PTPRE: variants seen among roughly 807,000 people sequenced by gnomAD.
PTPRE encodes protein tyrosine phosphatase receptor type E.
Under a neutral mutation model 102.0 loss-of-function variants are expected in PTPRE, and 51 were observed. That is an observed-to-expected ratio of 0.50 (90% confidence interval 0.40 to 0.63). The LOEUF (loss-of-function observed/expected upper bound fraction) is 0.63. Among genes scored for constraint, PTPRE ranks in the 30% least tolerant of loss-of-function variants. The probability of loss-of-function intolerance (pLI) is 0.00; values close to 1 mark genes in which losing one functional copy is unlikely to be tolerated. For missense variants in PTPRE, 752 were observed against 915.1 expected (o/e 0.82, Z 2.30); for synonymous variants, 345 against 348.2 (o/e 0.99, Z 0.10).
At chr10:127,974,404 T>C (rs1254982032) in intron 1 of PTPRE, among the ~76,000 whole-genome samples, 1 of 152,230 alleles carries the variant, frequency 6.6e-6, no homozygotes, top group African/African-American at 2.4e-5. Flanking sequence ...GGCTTCCCGG[T>C]TTTTGTTTAT....
intron 2 of PTPRE, among the ~76,000 whole-genome samples, chr10:128,009,016 A>T (rs138931387): frequency 6.6e-6 from 1 of 152,302 alleles, no homozygotes; most frequent in African/African-American, 2.4e-5. Flanking sequence ...GGTTGCTTGG[A>T]AACTCAGTCC....
intron 3 of PTPRE, among the ~76,000 whole-genome samples, chr10:128,041,646 C>CAAAAAAA (rs59411622): frequency 1.3e-5 from 1 of 77,358 alleles, no homozygotes; most frequent in Non-Finnish European, 2.3e-5. Flanking sequence ...GACTACGTCT[C>CAAAAAAA]AAAAAAAAAA....
intron 2 of PTPRE, among the ~76,000 whole-genome samples, chr10:128,031,127 A>G (rs1342159294): frequency 1.3e-5 from 2 of 152,256 alleles, no homozygotes; most frequent in African/African-American, 2.4e-5. Context: ...GGATGAATAC[A>G]TAAGCCAACC....
At chr10:127,919,098 C>A (rs1383053585) in intron 1 of PTPRE, among the ~76,000 whole-genome samples, 2 of 152,164 alleles carry the variant, frequency 1.3e-5, no homozygotes, top group Non-Finnish European at 2.9e-5. Flanking sequence ...CTGTGCTGGG[C>A]AGTGCCTAGG....
intron 6 of PTPRE, among the ~76,000 whole-genome samples, chr10:128,051,271 G>T (rs1319929810): frequency 6.6e-6 from 1 of 152,168 alleles, no homozygotes. Flanking sequence ...CCAGGAATAG[G>T]GTGGGGCAGG....
At chr10:127,926,583 G>A (rs1379079366) in intron 1 of PTPRE, among the ~76,000 whole-genome samples, 1 of 152,158 alleles carries the variant, frequency 6.6e-6, no homozygotes, top group Non-Finnish European at 1.5e-5. Context: ...TGGGAGGCTG[G>A]CTGGTGTGGG....
intron 1 of PTPRE, among the ~76,000 whole-genome samples, chr10:127,952,361 A>G (rs1407125142): frequency 6.0e-5 from 3 of 49,804 alleles, no homozygotes; most frequent in Non-Finnish European, 1.2e-4. Context: ...AGTTGCCCTC[A>G]CCCAAACCAA....
intron 17 of PTPRE, among the ~76,000 whole-genome samples, chr10:128,073,710 T>C (rs920532686): frequency 1.5e-4 from 23 of 152,244 alleles, no homozygotes; most frequent in Admixed American, 1.3e-3. Flanking sequence ...CTACATGTTA[T>C]TTAACCTGCC....
chr10:128,066,144 G>C lies in PTPRE; in HGVS notation c.793G>C (p.Asp265His). The C allele has an allele frequency of 6.2e-7, 1 of 1,614,218 alleles. No individual in the cohort carries two copies. The highest frequency in any genetic ancestry group is 8.5e-7 in the Non-Finnish European group (1 of 1,180,034). Residue 265 changes from aspartate (D) to histidine (H), a missense_variant, in exon 11 of 21, where the codon GAC (aspartate) becomes CAC (histidine). Coordinates refer to ENST00000254667, the MANE Select transcript of PTPRE (RefSeq NM_006504.6). ...TGGAAACATCCGGGTGTGCGTGGAG[G>C]ACTGCGTGGTTTTGGTCGACTACAC... Reference protein sequence around the residue: ...TYGNIRVCVEDCVVLVDYTIR... With the variant: ...TYGNIRVCVEHCVVLVDYTIR...
chr10:127,916,992 A>T lies in PTPRE; in HGVS notation c.-31+9683A>T, dbSNP rs559239945. Among the ~76,000 whole-genome samples the T allele has an allele frequency of 1.9e-3, 284 of 152,156 alleles. 2 individuals carry two copies. The highest frequency in any genetic ancestry group is 6.7e-3 in the African/African-American group (277 of 41,504). On this transcript the variant is annotated intron_variant, in intron 1 of 20. Transcript: ENST00000254667. ...GGCCAGCCCCACAGAGCCCAGCAGC[A>T]TGCTCAGCTGTGAGTTTGAGAAGGG...
chr10:127,922,624 T>G (rs1334882372), intron 1 of PTPRE, among the ~76,000 whole-genome samples: 3 of 152,248 alleles, frequency 2.0e-5, no homozygotes, highest in Non-Finnish European at 4.4e-5. Flanking sequence ...GAACCCCATC[T>G]GCCACACATG....
At chr10:127,921,161 G>A (rs907627069) in intron 1 of PTPRE, among the ~76,000 whole-genome samples, 2 of 152,222 alleles carry the variant, frequency 1.3e-5, no homozygotes, top group African/African-American at 2.4e-5. Context: ...TAATACCAGC[G>A]ATCACTGGTG....
chr10:128,068,004 G>T (rs976882305), intron 11 of PTPRE, 119 bp from the exon 12 acceptor site: 1 of 1,169,852 alleles, frequency 8.5e-7, no homozygotes, highest in South Asian at 1.5e-5. Flanking sequence ...CTGTGGATGG[G>T]CCCCTCCCCT....
At chr10:128,038,370 C>T (rs919626828) in intron 2 of PTPRE, among the ~76,000 whole-genome samples, 15 of 152,198 alleles carry the variant, frequency 9.9e-5, no homozygotes, top group Middle Eastern at 3.4e-3. Context: ...ATGTTTATTG[C>T]GGCACTATTC....
intron 2 of PTPRE, among the ~76,000 whole-genome samples, chr10:128,040,403 G>A (rs1048886445): frequency 7.2e-5 from 11 of 152,162 alleles, no homozygotes; most frequent in African/African-American, 1.7e-4. Flanking sequence ...TGAAGAAACC[G>A]ATTGAAAAGC....
chr10:128,045,596 G>C (rs373406680), intron 3 of PTPRE, among the ~76,000 whole-genome samples: 3 of 152,272 alleles, frequency 2.0e-5, no homozygotes, highest in Admixed American at 2.0e-4. Context: ...CCTCCGTGGG[G>C]CTGGGCTCCA....
intron 6 of PTPRE, among the ~76,000 whole-genome samples, 182 bp downstream of exon 6, chr10:128,049,848 T>C (rs547200525): frequency 2.0e-5 from 3 of 152,266 alleles, no homozygotes; most frequent in Admixed American, 2.0e-4. Flanking sequence ...CAATGCTTAT[T>C]TCCTCATTTA....
At chr10:128,030,096 C>T (rs1229806154) in intron 2 of PTPRE, among the ~76,000 whole-genome samples, 1 of 152,238 alleles carries the variant, frequency 6.6e-6, no homozygotes, top group African/African-American at 2.4e-5. Flanking sequence ...AGAGGCTCCC[C>T]ATGTGGGCTT....
chr10:128,043,577 T>C (rs554245340), intron 3 of PTPRE, among the ~76,000 whole-genome samples: 33 of 152,352 alleles, frequency 2.2e-4, no homozygotes, highest in African/African-American at 7.7e-4. Context: ...ATGTAGAAGT[T>C]GGACACTTGG....
Sources: gnomAD v4.1 joint callset for allele counts (sites outside exome capture counted in the v4.1 genomes callset) on GRCh38, gnomAD v4.1.1 for gene constraint, MANE v1.5 for transcripts, NCBI Gene and HGNC (gene_info 2026-07-23, HGNC 2026-07-21) for gene names.